Variants in WDFY4 observed in about 807,000 individuals in gnomAD.
WDFY4 encodes the protein WDFY family member 4, also known as WD repeat- and FYVE domain-containing protein 4.
Under a neutral mutation model 351.9 loss-of-function variants are expected in WDFY4, and 169 were observed. The observed-to-expected ratio is 0.48, with a 90% CI of 0.42 to 0.55. The LOEUF (loss-of-function observed/expected upper bound fraction) is 0.55, where lower values mean the gene tolerates loss of function less well. Ranked by LOEUF, WDFY4 falls within the 20% of genes least tolerant of loss-of-function variation. The pLI, the probability that WDFY4 is intolerant of heterozygous loss-of-function variation, is 0.00. For synonymous variants in WDFY4, 1,622 were observed against 1,574.6 expected (o/e 1.03, Z -0.71); for missense variants, 3,803 against 3,935.6 (o/e 0.97, Z 0.90).
chr10:48,885,086 T>G (rs981570480), intron 43 of WDFY4, among the ~76,000 whole-genome samples: 1 of 152,114 alleles, frequency 6.6e-6, no homozygotes, highest in African/African-American at 2.4e-5. Context: ...TTTCTTAGCC[T>G]AGCTGGTGCC....
At chr10:48,768,340 C>T (rs1419242291) in intron 13 of WDFY4, among the ~76,000 whole-genome samples, 1 of 152,168 alleles carries the variant, frequency 6.6e-6, no homozygotes, top group East Asian at 1.9e-4. Context: ...AGGGTATGGC[C>T]AGCAGCACAG....
At chr10:48,823,319 A>T in intron 35 of WDFY4, 2 of 1,282,422 alleles carry the variant, frequency 1.6e-6, no homozygotes, top group Non-Finnish European at 2.0e-6. Flanking sequence ...CTTGGAAAGA[A>T]CTTTCTGTTA....
intron 35 of WDFY4, 47 bp downstream of exon 35, chr10:48,822,584 T>G: frequency 7.0e-7 from 1 of 1,434,518 alleles, no homozygotes; most frequent in South Asian, 1.6e-5. Context: ...CTGAATGATG[T>G]GCTCCTGGCT....
intron 24 of WDFY4, chr10:48,802,872 CTG>C: frequency 2.1e-6 from 1 of 480,446 alleles, no homozygotes; most frequent in Non-Finnish European, 4.3e-6. Context: ...TGAGTGGAGA[CTG>C]TCACTCAGCT....
Position 48,957,157 on chromosome 10 carries a change from T to C in WDFY4, c.8006T>C (p.Met2669Thr). ...GGAAGCTTCGACGTGGCAGACAGAA[T>C]GTTCCACAGTGTGAAGAGCACGTGG... The part of the protein sequence containing the change: ...QGGSFDVADR[M>T]FHSVKSTWES... The change falls in exon 52 of 62, where the codon ATG becomes ACG. Residue 2669 changes from methionine (M) to threonine (T), a missense_variant. Transcript: ENST00000325239. The C allele has an allele frequency of 6.4e-7, 1 of 1,551,064 alleles. No individual in the cohort carries two copies. Among genetic ancestry groups the C allele is most frequent in the South Asian group, 1.2e-5 (1 of 84,036 alleles).
At chr10:48,778,001 G>A (rs190516887) in intron 17 of WDFY4, among the ~76,000 whole-genome samples, 42 of 152,328 alleles carry the variant, frequency 2.8e-4, no homozygotes, top group Admixed American at 2.3e-3. Context: ...GCTGATGGCC[G>A]TTGAGAATAG....
chr10:48,849,228 A>T (rs757140721), intron 39 of WDFY4, among the ~76,000 whole-genome samples: 1 of 152,216 alleles, frequency 6.6e-6, no homozygotes, highest in Non-Finnish European at 1.5e-5. Context: ...GTCACATAAT[A>T]TATGGGGTTA....
intron 40 of WDFY4, among the ~76,000 whole-genome samples, chr10:48,868,979 A>C (rs2069656931): frequency 6.6e-6 from 1 of 152,184 alleles, no homozygotes; most frequent in Admixed American, 6.5e-5. Flanking sequence ...GGAGTTCAGA[A>C]AGGACTTGAG....
intron 47 of WDFY4, among the ~76,000 whole-genome samples, chr10:48,939,608 G>A (rs182234188): frequency 1.7e-4 from 26 of 152,154 alleles, no homozygotes; most frequent in African/African-American, 5.8e-4. Context: ...TGGATGATGC[G>A]GTTTATTAAC....
chr10:48,954,179 A>G (rs1466500586), intron 51 of WDFY4, among the ~76,000 whole-genome samples: 1 of 152,186 alleles, frequency 6.6e-6, no homozygotes, highest in Non-Finnish European at 1.5e-5. Flanking sequence ...AATATTCAAA[A>G]TGTTCCCACA....
chr10:48,958,841 A>T (rs1841727717), intron 52 of WDFY4, among the ~76,000 whole-genome samples: 1 of 152,116 alleles, frequency 6.6e-6, no homozygotes, highest in Admixed American at 6.6e-5. Flanking sequence ...CCTGTTGAGG[A>T]GGTGGCAGGT....
At chr10:48,758,786 T>C (rs539770214) in intron 12 of WDFY4, among the ~76,000 whole-genome samples, 87 of 152,234 alleles carry the variant, frequency 5.7e-4, no homozygotes, top group Non-Finnish European at 1.1e-3. Context: ...TTTCTGTTTT[T>C]CATTTATTTG....
rs1565142531 is a variant in WDFY4 at position 48,733,977 on chromosome 10, CA to C, written c.1630del (p.Thr544ProfsTer3). ...PGVQDPEREL[T>X]CVMLRIVVTL... ...GTGTTCAGGATCCAGAAAGAGAACT[CA>C]CCTGTGTGATGCTGAGGATTGTAGT... On this transcript the variant is annotated frameshift_variant, in exon 10 of 62. Transcript: ENST00000325239. LOFTEE classifies it high-confidence loss of function. 6.4e-7 allele frequency: 1 copy of C among 1,551,856 alleles called. No homozygotes were observed. The highest frequency in any genetic ancestry group is 2.0e-5 in the Admixed American group (1 of 51,006).
rs2064991767 is a variant in WDFY4 at position 48,745,771 on chromosome 10, C to G, written c.2459+2223C>G. 1.1e-5 allele frequency: 5 copies of G among 462,444 alleles called. No homozygotes were observed. The East Asian group carries it at 2.8e-4, about 26-fold the overall frequency. 28.6% of individuals were successfully genotyped at this position (462,444 alleles called of 1,614,324 possible). The stretch of plus-strand genomic sequence containing the variant: ...TGTGGGCTTCAGATGCACAGCCTTG[C>G]GGGCAGCAGAAACACCCATCTAGTT... On this transcript the variant is annotated intron_variant, in intron 12 of 61. Coordinates refer to ENST00000325239, the MANE Select transcript of WDFY4 (RefSeq NM_001394531.1).
chr10:48,873,033 T>C (rs35495091), intron 40 of WDFY4, among the ~76,000 whole-genome samples: 14,046 of 150,324 alleles, frequency 0.093, 782 homozygotes, highest in Middle Eastern at 0.2. Flanking sequence ...TCCACTCCAG[T>C]TCAGGCAACT....
At chr10:48,738,743 T>C (rs1162477558) in intron 11 of WDFY4, among the ~76,000 whole-genome samples, 1 of 152,244 alleles carries the variant, frequency 6.6e-6, no homozygotes, top group Non-Finnish European at 1.5e-5. Context: ...TGGATCTCTC[T>C]CTTTAGAAGG....
rs1022403704 is a variant in WDFY4, at chr10:48,824,099, A to G, written c.5982+1562A>G. Reference sequence around the variant, plus strand: ...GTATGGACCAGTCCATGCTAAGGCTACAAATCAGGGTCTTCTACTTCTCCC... The same window carrying G: ...GTATGGACCAGTCCATGCTAAGGCTGCAAATCAGGGTCTTCTACTTCTCCC... On this transcript the variant is annotated intron_variant, in intron 35 of 61. Coordinates refer to ENST00000325239, the MANE Select transcript of WDFY4 (RefSeq NM_001394531.1). 1.8e-5 allele frequency: 18 copies of G among 985,472 alleles called. 1 individual carries two copies. In the African/African-American group the frequency reaches 2.6e-4, roughly 14 times the overall value. 61.0% of individuals were successfully genotyped at this position (985,472 alleles called of 1,614,324 possible).
Position 48,964,043 on chromosome 10 carries a change from G to A in WDFY4, c.8425G>A (p.Val2809Met), listed in dbSNP as rs1262663442. Residue 2809 changes from valine (V) to methionine (M), a missense_variant, in exon 54 of 62, where the codon GTG becomes ATG. Physicochemically the swap from Val to Met is conservative, Grantham distance 21. Coordinates refer to ENST00000325239, the MANE Select transcript of WDFY4 (RefSeq NM_001394531.1). Reference protein sequence around the residue: ...ILGFVSNFGQVPKQLFTKPHP... With the variant: ...ILGFVSNFGQMPKQLFTKPHP... ...GGGGTTTGTCAGCAACTTTGGACAG[G>A]TGCCCAAACAGGTACAGCATGCCTT... 6.5e-7 allele frequency: 1 copy of A among 1,549,826 alleles called. No homozygotes were observed. The highest frequency in any genetic ancestry group is 8.7e-7 in the Non-Finnish European group (1 of 1,146,916).
chr10:48,911,881 A>G (rs1305250905), intron 47 of WDFY4, among the ~76,000 whole-genome samples: 1 of 152,242 alleles, frequency 6.6e-6, no homozygotes, highest in African/African-American at 2.4e-5. Context: ...GGGTTGTCAT[A>G]GCTAAGCATT....
Sources: gnomAD v4.1 joint callset for allele counts (sites outside exome capture counted in the v4.1 genomes callset) on GRCh38, gnomAD v4.1.1 for gene constraint, MANE v1.5 for transcripts, NCBI Gene and HGNC (gene_info 2026-07-23, HGNC 2026-07-21) for gene names.